The following PRUNE2 variants were observed in gnomAD, a reference collection of about 807,000 sequenced individuals.
The protein encoded by PRUNE2 is prune homolog 2 with BCH domain.
Under a neutral mutation model 252.0 loss-of-function variants are expected in PRUNE2, and 164 were observed. The observed-to-expected ratio is 0.65, with a 90% CI of 0.57 to 0.74. The LOEUF (loss-of-function observed/expected upper bound fraction) is 0.74. Among genes scored for constraint, PRUNE2 ranks in the 30% least tolerant of loss-of-function variants. PRUNE2 has a pLI of 0.00. For synonymous variants in PRUNE2, 1,292 were observed against 1,350.2 expected (o/e 0.96, Z 0.94); for missense variants, 3,495 against 3,711.0 (o/e 0.94, Z 1.51).
In PRUNE2 at chr9:76,710,486, A is replaced by T. The variant is rs776159646; in HGVS notation, c.1788T>A (p.Pro596=). 5 of 1,613,956 alleles carry T rather than the reference A, an allele frequency of 3.1e-6. No homozygotes were observed. The highest frequency in any genetic ancestry group is 4.2e-6 in the Non-Finnish European group (5 of 1,179,882). ...SLTDFVGDES[P]SPERLKNTGK... ...CAGTATTTTTTAGCCTTTCTGGGGAAGGGGATTCATCTCCCACAAAATCTG... is the reference window on the plus strand; with the variant it reads ...CAGTATTTTTTAGCCTTTCTGGGGATGGGGATTCATCTCCCACAAAATCTG... Residue 596 remains proline, a synonymous_variant, in exon 8 of 19, where the codon CCT becomes CCA. Transcript: ENST00000376718.
At chr9:76,735,366 G>A (rs528415238) in intron 6 of PRUNE2, among the ~76,000 whole-genome samples, 15 of 151,102 alleles carry the variant, frequency 9.9e-5, no homozygotes, top group South Asian at 6.3e-4. Flanking sequence ...ACTTGTTTAC[G>A]TTTTAGAAGC....
At position 76,707,940 on chromosome 9, in the gene PRUNE2, T is replaced by G; in HGVS notation, c.4334A>C (p.Glu1445Ala). 6.2e-7 allele frequency: 1 copy of G among 1,613,946 alleles called. No individual in the cohort carries two copies. Among genetic ancestry groups the G allele is most frequent in the Non-Finnish European group, 8.5e-7 (1 of 1,179,884 alleles). ...MSQRNSGETT[E>A]TSDGMNFTKY... ...TGTGAAATTCATCCCATCTGAAGTC[T>G]CAGTAGTTTCACCTGAATTTCTTTG... The change falls in exon 8 of 19, where the codon GAG (glutamate) becomes GCG (alanine). Residue 1445 changes from glutamate (E) to alanine (A), a missense_variant. Glu to Ala is a moderately radical substitution (Grantham distance 107, BLOSUM62 -1). Coordinates refer to ENST00000376718, the MANE Select transcript of PRUNE2 (RefSeq NM_015225.3).
chr9:76,734,579 A>G (rs1326605195), intron 6 of PRUNE2, among the ~76,000 whole-genome samples: 4 of 152,240 alleles, frequency 2.6e-5, no homozygotes, highest in African/African-American at 9.6e-5. Context: ...ATAAAATGCT[A>G]GCAAAGTCCT....
chr9:76,669,930 C>T (rs2040989917), intron 9 of PRUNE2, among the ~76,000 whole-genome samples: 1 of 152,206 alleles, frequency 6.6e-6, no homozygotes, highest in Non-Finnish European at 1.5e-5. Flanking sequence ...TCTACCCCAA[C>T]TGCCAAGAGC....
chr9:76,861,552 C>T (rs749297353), intron 1 of PRUNE2, among the ~76,000 whole-genome samples: 1 of 152,118 alleles, frequency 6.6e-6, no homozygotes, highest in Non-Finnish European at 1.5e-5. Context: ...AAACCCAAAG[C>T]CTCAGTTCCC....
At chr9:76,807,671 T>C (rs1234458712) in intron 6 of PRUNE2, among the ~76,000 whole-genome samples, 1 of 152,050 alleles carries the variant, frequency 6.6e-6, no homozygotes, top group African/African-American at 2.4e-5. Context: ...GAGGGACCAG[T>C]GTGATGTTCA....
At chr9:76,840,537 T>C (rs2059324692) in intron 4 of PRUNE2, among the ~76,000 whole-genome samples, 1 of 152,196 alleles carries the variant, frequency 6.6e-6, no homozygotes, top group South Asian at 2.1e-4. Flanking sequence ...TCCACTGAGG[T>C]CTAATTATGA....
chr9:76,810,639 G>A (rs1225795167), intron 6 of PRUNE2, among the ~76,000 whole-genome samples: 1 of 152,202 alleles, frequency 6.6e-6, no homozygotes, highest in Non-Finnish European at 1.5e-5. Flanking sequence ...TAAAAGAGAT[G>A]TCTATCCTAC....
Position 76,637,557 on chromosome 9 carries a change from C to A in PRUNE2, c.8832-8G>T, listed in dbSNP as rs1033684343. On this transcript the variant is annotated splice_region_variant and splice_polypyrimidine_tract_variant and intron_variant, in intron 13 of 18. Transcript: ENST00000376718. ...AAAGTACTTATTACATATCTGATCA[C>A]AGGAAGGAAGAGGAATGTTTTCAGT... 6.2e-7 allele frequency: 1 copy of A among 1,608,262 alleles called. No homozygotes were observed. Among genetic ancestry groups the A allele is most frequent in the East Asian group, 2.2e-5 (1 of 44,764 alleles).
intron 6 of PRUNE2, among the ~76,000 whole-genome samples, chr9:76,765,062 G>A (rs1166654522): frequency 6.6e-6 from 1 of 152,158 alleles, no homozygotes; most frequent in East Asian, 1.9e-4. Context: ...TATCAAGCAG[G>A]CAAGTTAGAG....
intron 6 of PRUNE2, among the ~76,000 whole-genome samples, chr9:76,714,456 G>T (rs533914948): frequency 6.6e-6 from 1 of 152,272 alleles, no homozygotes; most frequent in East Asian, 1.9e-4. Context: ...GTGCTGTGGC[G>T]TTATCTCGGC....
intron 1 of PRUNE2, among the ~76,000 whole-genome samples, chr9:76,854,803 G>A (rs1310089762): frequency 3.9e-5 from 6 of 151,940 alleles, no homozygotes; most frequent in African/African-American, 1.5e-4. Flanking sequence ...GGTGGCTCAC[G>A]CCTGTAATCC....
rs575905068 is a variant in PRUNE2, at chr9:76,706,134, G to T, written c.6140C>A (p.Thr2047Asn). ...GSTPSEDSRG[T>N]FVPDILHGNF... ...GCCATGTAAAATATCTGGCACAAAG[G>T]TACCTCGGGAGTCCTCACTTGGGGT... Residue 2047 changes from threonine (T) to asparagine (N), a missense_variant, in exon 8 of 19, where the codon ACC becomes AAC. Coordinates refer to ENST00000376718, the MANE Select transcript of PRUNE2 (RefSeq NM_015225.3). The T allele has an allele frequency of 5.6e-6, 9 of 1,613,998 alleles. No homozygotes were observed. Among genetic ancestry groups the T allele is most frequent in the Middle Eastern group, 1.6e-4 (1 of 6,062 alleles).
rs542177229 is a variant in PRUNE2 at position 76,906,110 on chromosome 9, C to T, written c.-147G>A. On this transcript the variant is annotated 5_prime_UTR_variant, in exon 1 of 19. Coordinates refer to ENST00000376718, the MANE Select transcript of PRUNE2 (RefSeq NM_015225.3). ...TCCTGCCGCTCTGAGGCGGCTGCGGCGGAGGCTGTGCTTGCGCCCTCGACC... is the reference window on the plus strand; with the variant it reads ...TCCTGCCGCTCTGAGGCGGCTGCGGTGGAGGCTGTGCTTGCGCCCTCGACC... 4.6e-6 allele frequency: 4 copies of T among 876,752 alleles called. No individual in the cohort carries two copies. The African/African-American group carries it at 6.6e-5, about 14-fold the overall frequency. 54.3% of individuals were successfully genotyped at this position (876,752 alleles called of 1,614,324 possible).
Position 76,705,511 on chromosome 9 carries a change from A to G in PRUNE2, c.6763T>C (p.Phe2255Leu). ...EGDGSWISDS[F>L]SPESQPGARA... ...GCACCAGGCTGACTTTCAGGAGAAA[A>G]GCTGTCTGATATCCAAGAACCGTCA... is the stretch of plus-strand genomic sequence containing the variant. The change falls in exon 8 of 19, where the codon TTT becomes CTT. Residue 2255 changes from phenylalanine (F) to leucine (L), a missense_variant. Phe to Leu is a conservative substitution (Grantham distance 22). Transcript: ENST00000376718. 1 of 1,614,010 alleles carries G rather than the reference A, an allele frequency of 6.2e-7. No individual in the cohort carries two copies. Among genetic ancestry groups the G allele is most frequent in the Non-Finnish European group, 8.5e-7 (1 of 1,179,886 alleles).
intron 4 of PRUNE2, among the ~76,000 whole-genome samples, chr9:76,834,072 G>T (rs934001448): frequency 6.6e-6 from 1 of 151,598 alleles, no homozygotes; most frequent in African/African-American, 2.4e-5. Context: ...TAGGAGAGAC[G>T]GGGTTTCACC....
At chr9:76,657,373 C>T (rs1849639055) in intron 9 of PRUNE2, among the ~76,000 whole-genome samples, 1 of 152,198 alleles carries the variant, frequency 6.6e-6, no homozygotes, top group South Asian at 2.1e-4. Context: ...TTTCTATCTG[C>T]CTGACAGAGC....
At chr9:76,850,401 C>A in intron 3 of PRUNE2, 62 bp downstream of exon 3, 1 of 1,310,330 alleles carries the variant, frequency 7.6e-7, no homozygotes, top group Non-Finnish European at 1.1e-6. Context: ...AGTAAAGTGA[C>A]ACTTTGCCCA....
chr9:76,896,576 A>G (rs1487958268), intron 1 of PRUNE2, among the ~76,000 whole-genome samples: 2 of 151,956 alleles, frequency 1.3e-5, no homozygotes, highest in African/African-American at 2.4e-5. Flanking sequence ...CTTTTCTCCT[A>G]TTTCCCCTCC....
Sources: allele counts gnomAD v4.1 joint callset (sites outside exome capture counted in the v4.1 genomes callset), GRCh38; gene constraint gnomAD v4.1.1; transcripts MANE v1.5; gene names NCBI Gene and HGNC (gene_info 2026-07-23, HGNC 2026-07-21).